RANBP3: variants seen among roughly 807,000 people sequenced by gnomAD.
RANBP3 encodes the protein ran-binding protein 3.
RANBP3 carries 14 observed loss-of-function variants against 77.3 expected under a neutral mutation model. The ratio of observed to expected loss-of-function variants is 0.18; its 90% confidence interval spans 0.12 to 0.28. RANBP3 has a LOEUF of 0.28. Ranked by LOEUF, RANBP3 falls within the 10% of genes least tolerant of loss-of-function variation. RANBP3 has a pLI of 1.00. For missense variants in RANBP3, 586 were observed against 752.3 expected (o/e 0.78, Z 2.59); for synonymous variants, 315 against 312.4 (o/e 1.01, Z -0.09).
chr19:5,931,153 G>C (rs542122612), intron 8 of RANBP3, among the ~76,000 whole-genome samples: 9 of 152,304 alleles, frequency 5.9e-5, no homozygotes, highest in African/African-American at 1.9e-4. Flanking sequence ...AGGTCCTTCC[G>C]GCAGAGCTTG....
rs936814929 is a variant in RANBP3, at chr19:5,959,451, C to G, written c.23-1478G>C. On this transcript the variant is annotated intron_variant, in intron 1 of 16. Coordinates refer to ENST00000340578, the MANE Select transcript of RANBP3 (RefSeq NM_007322.3). This position sits in a 1 kb window ranked among gnomAD's most constrained non-coding sequence, Gnocchi z 5.1. ...AGCCCACTGATGGTGACATTCCCCC[C>G]ACCATGCTCCCCGAAGCCTCGGCAC... 2.4e-4 allele frequency among the ~76,000 whole-genome samples: 36 copies of G among 152,090 alleles called. No homozygotes were observed. Among genetic ancestry groups the G allele is most frequent in the Non-Finnish European group, 1.8e-4 (12 of 68,012 alleles).
At chr19:5,965,224 A>G (rs2058452879) in intron 1 of RANBP3, among the ~76,000 whole-genome samples, 1 of 152,056 alleles carries the variant, frequency 6.6e-6, no homozygotes, top group Admixed American at 6.6e-5. Flanking sequence ...TGCGAAGTCC[A>G]TAAAACCCTC....
At chr19:5,920,838 GC>G (rs541281758) in intron 14 of RANBP3, 5 of 166,632 alleles carry the variant, frequency 3.0e-5, no homozygotes, top group Non-Finnish European at 6.5e-5. Flanking sequence ...GTGAGCCACT[GC>G]GCCTGGCCAA....
chr19:5,954,052 C>G (rs1289544074), intron 2 of RANBP3, among the ~76,000 whole-genome samples: 2 of 152,216 alleles, frequency 1.3e-5, no homozygotes, highest in African/African-American at 4.8e-5. Flanking sequence ...GGCTTTGCCA[C>G]TGAACAAAAA....
At position 5,925,689 on chromosome 19, in the gene RANBP3, G is replaced by A. The variant is rs777199261; in HGVS notation, c.862C>T (p.Pro288Ser). The A allele has an allele frequency of 8.1e-6, 13 of 1,613,994 alleles. No individual in the cohort carries two copies. The South Asian group carries it at 1.4e-4, about 18-fold the overall frequency. ...DEADMENAGH[P>S]SADTPTATNY... ...GTTGCGGTTGGCGTGTCTGCGCTGG[G>A]GTGTCCAGCATTCTCCATGTCGGCT... Residue 288 changes from proline to serine, a missense_variant, in exon 10 of 17, where the codon CCC (proline) becomes TCC (serine). Pro to Ser is a moderately conservative substitution (Grantham distance 74). This residue lies in a region of RANBP3 where 232 missense variants were observed against 271.7 expected (regional missense o/e 0.85). Transcript: ENST00000340578.
intron 1 of RANBP3, among the ~76,000 whole-genome samples, chr19:5,977,348 G>C (rs2058604896): frequency 6.6e-6 from 1 of 152,178 alleles, no homozygotes; most frequent in South Asian, 2.1e-4. Flanking sequence ...CAGGTGGGCT[G>C]TCAGCGCTCC....
At chr19:5,968,980 A>T (rs1207264015) in intron 1 of RANBP3, among the ~76,000 whole-genome samples, 3 of 152,058 alleles carry the variant, frequency 2.0e-5, no homozygotes, top group Non-Finnish European at 4.4e-5. Context: ...GTGAATGGGT[A>T]AGGCCTCGCT....
At chr19:5,961,905 A>G (rs1289708032) in intron 1 of RANBP3, among the ~76,000 whole-genome samples, 1 of 151,494 alleles carries the variant, frequency 6.6e-6, no homozygotes, top group Non-Finnish European at 1.5e-5. Context: ...GCACTTCTGG[A>G]CTTCTGCTTG....
chr19:5,925,091 C>T (rs2057885065), intron 10 of RANBP3, 186 bp from the exon 11 acceptor site: 1 of 622,212 alleles, frequency 1.6e-6, no homozygotes, highest in Non-Finnish European at 2.9e-6. Flanking sequence ...AACATTAACC[C>T]TTAGCTCGCC....
rs149974650 is a variant in RANBP3 at position 5,958,737 on chromosome 19, G to T, written c.23-764C>A. On this transcript the variant is annotated intron_variant, in intron 1 of 16. Coordinates refer to ENST00000340578, the MANE Select transcript of RANBP3 (RefSeq NM_007322.3). The surrounding 1 kb of genome is among the most constrained non-coding windows in gnomAD (Gnocchi z 4.4). ...CAGATGAGGACTGCCTCGACCCCACGAGGAGGCGCAGACCACACCTGCCTC... is the reference window on the plus strand; with the variant it reads ...CAGATGAGGACTGCCTCGACCCCACTAGGAGGCGCAGACCACACCTGCCTC... Among the ~76,000 whole-genome samples, 23 of 152,378 alleles carry T rather than the reference G, an allele frequency of 1.5e-4. No individual in the cohort carries two copies. The highest frequency in any genetic ancestry group is 6.8e-3 in the Middle Eastern group (2 of 294).
chr19:5,923,518 CCA>C (rs955863934), intron 12 of RANBP3, among the ~76,000 whole-genome samples: 1 of 152,144 alleles, frequency 6.6e-6, no homozygotes, highest in Non-Finnish European at 1.5e-5. Context: ...AAGTGTGGCC[CCA>C]GACTCTCGTG....
At chr19:5,960,134 A>G (rs1324826009) in intron 1 of RANBP3, among the ~76,000 whole-genome samples, 1 of 151,900 alleles carries the variant, frequency 6.6e-6, no homozygotes, top group Non-Finnish European at 1.5e-5. Flanking sequence ...AACCAGAGGT[A>G]GCAGAGTCAC....
At chr19:5,945,531 G>A (rs1349146153) in intron 3 of RANBP3, among the ~76,000 whole-genome samples, 2 of 152,128 alleles carry the variant, frequency 1.3e-5, no homozygotes, top group Non-Finnish European at 2.9e-5. Context: ...GTTTGGGTGG[G>A]GTGACCTATA....
Position 5,932,435 on chromosome 19 carries a change from G to A in RANBP3, c.565+17C>T. The A allele has an allele frequency of 1.2e-6, 2 of 1,610,950 alleles. No homozygotes were observed. Among genetic ancestry groups the A allele is most frequent in the South Asian group, 1.1e-5 (1 of 90,968 alleles). ...CCCTGCCGTCTGGGCCTGGGCGCCA[G>A]GGCTGCTGTTTCTTACCAGTCTGGG... On this transcript the variant is annotated intron_variant, in intron 7 of 16. Transcript: ENST00000340578.
Position 5,941,036 on chromosome 19 carries a change from C to G in RANBP3, c.406+585G>C, listed in dbSNP as rs2058129110. Among the ~76,000 whole-genome samples the G allele has an allele frequency of 3.3e-5, 5 of 152,374 alleles. No homozygotes were observed. The South Asian group carries it at 1.0e-3, about 32-fold the overall frequency. ...CGTCCAGGGCCTTCAAGCCCTTTAG[C>G]CTGCCCTGCTCCACAGTCCGAGCCT... On this transcript the variant is annotated intron_variant, in intron 5 of 16. Coordinates refer to ENST00000340578, the MANE Select transcript of RANBP3 (RefSeq NM_007322.3).
At chr19:5,968,901 A>G (rs565894521) in intron 1 of RANBP3, among the ~76,000 whole-genome samples, 1 of 152,244 alleles carries the variant, frequency 6.6e-6, no homozygotes, top group Non-Finnish European at 1.5e-5. Context: ...TGCTGTGTGC[A>G]GAGATAACTG....
At chr19:5,945,011 T>C (rs573684055) in intron 3 of RANBP3, among the ~76,000 whole-genome samples, 42 of 152,238 alleles carry the variant, frequency 2.8e-4, no homozygotes, top group African/African-American at 8.7e-4. Context: ...CGCCCTCCTT[T>C]TCCCTCAAGC....
At chr19:5,946,118 G>A (rs975502434) in intron 3 of RANBP3, among the ~76,000 whole-genome samples, 3 of 152,170 alleles carry the variant, frequency 2.0e-5, no homozygotes, top group Non-Finnish European at 4.4e-5. Flanking sequence ...CTGCGTGTCT[G>A]AGATGCTGTG....
intron 1 of RANBP3, among the ~76,000 whole-genome samples, chr19:5,972,107 C>CAAATAAA (rs2058537614): frequency 2.0e-5 from 3 of 152,244 alleles, no homozygotes; most frequent in African/African-American, 7.2e-5. Flanking sequence ...GTCTGCTTGC[C>CAAATAAA]CTTCAGGCAA....
Sources: allele counts gnomAD v4.1 joint callset (sites outside exome capture counted in the v4.1 genomes callset), GRCh38; gene constraint gnomAD v4.1.1; regional missense constraint gnomAD v4.1.1; non-coding constraint Gnocchi (gnomAD v3.1); transcripts MANE v1.5; gene names NCBI Gene and HGNC (gene_info 2026-07-23, HGNC 2026-07-21).